KCNH8: variants seen among roughly 807,000 people sequenced by gnomAD.
The protein encoded by KCNH8 is potassium voltage-gated channel subfamily H member 8.
KCNH8 carries 70 observed loss-of-function variants against 103.6 expected under a neutral mutation model. The ratio of observed to expected loss-of-function variants is 0.68; its 90% confidence interval spans 0.56 to 0.82. KCNH8 has a LOEUF of 0.82. Among genes scored for constraint, KCNH8 ranks in the 40% least tolerant of loss-of-function variants. The pLI is 0.00. For synonymous variants in KCNH8, 498 were observed against 489.4 expected (o/e 1.02, Z -0.23); for missense variants, 1,217 against 1,329.9 (o/e 0.92, Z 1.32).
At chr3:19,448,367 T>C (rs1003086272) in intron 8 of KCNH8, among the ~76,000 whole-genome samples, 1 of 152,174 alleles carries the variant, frequency 6.6e-6, no homozygotes, top group South Asian at 2.1e-4. Context: ...ATATTGCTTC[T>C]TGTATATAGA....
intron 11 of KCNH8, among the ~76,000 whole-genome samples, chr3:19,494,588 C>G (rs2068397109): frequency 6.6e-6 from 1 of 151,788 alleles, no homozygotes; most frequent in Admixed American, 6.6e-5. Flanking sequence ...TGAACTAATA[C>G]ATTCAGTCTT....
intron 7 of KCNH8, among the ~76,000 whole-genome samples, chr3:19,402,072 T>G (rs2066621295): frequency 6.6e-6 from 1 of 151,968 alleles, no homozygotes. Flanking sequence ...GTTTGAGAAA[T>G]GTAGCACACT....
At chr3:19,433,830 G>T (rs559844646) in intron 7 of KCNH8, among the ~76,000 whole-genome samples, 1 of 152,138 alleles carries the variant, frequency 6.6e-6, no homozygotes, top group East Asian at 1.9e-4. Context: ...ACTAAATGCC[G>T]TTACGGCTTT....
chr3:19,492,933 C>A lies in KCNH8; in HGVS notation c.2041-17430C>A, dbSNP rs530587980. 3.0e-3 allele frequency among the ~76,000 whole-genome samples: 452 copies of A among 149,406 alleles called. 4 individuals carry two copies. Among genetic ancestry groups the A allele is most frequent in the African/African-American group, 0.01 (410 of 40,680 alleles). ...CTTTCGTAATTTTCCATGTAGAGATCCTCCACCTCTTTGATTAGCTGTTTT... is the reference window on the plus strand; with the variant it reads ...CTTTCGTAATTTTCCATGTAGAGATACTCCACCTCTTTGATTAGCTGTTTT... On this transcript the variant is annotated intron_variant, in intron 11 of 15. Coordinates refer to ENST00000328405, the MANE Select transcript of KCNH8 (RefSeq NM_144633.3).
chr3:19,281,325 A>G lies in KCNH8; in HGVS notation c.438A>G (p.Lys146=). ...TGAAGATTACTCCAGAAGATAAAAAAGAAGGTTTGTACCGTTTTCAGAAAA... is the reference window on the plus strand; with the variant it reads ...TGAAGATTACTCCAGAAGATAAAAAGGAAGGTTTGTACCGTTTTCAGAAAA... ...TKVKITPEDK[K]EDKVKGRSRA... is the part of the protein sequence containing the mutation. The change falls in exon 3 of 16, where the codon AAA becomes AAG. Residue 146 remains lysine, a synonymous_variant. Transcript: ENST00000328405. The G allele has an allele frequency of 1.3e-6, 2 of 1,599,844 alleles. No individual in the cohort carries two copies. Among genetic ancestry groups the G allele is most frequent in the Non-Finnish European group, 1.7e-6 (2 of 1,175,132 alleles).
chr3:19,323,172 G>A (rs755395779), intron 3 of KCNH8, among the ~76,000 whole-genome samples: 76 of 151,982 alleles, frequency 5.0e-4, no homozygotes, highest in Non-Finnish European at 9.4e-4. Context: ...CTTCTGGGCC[G>A]CACACGGTGG....
intron 2 of KCNH8, among the ~76,000 whole-genome samples, chr3:19,266,464 A>G (rs1027143179): frequency 6.6e-6 from 1 of 152,060 alleles, no homozygotes; most frequent in African/African-American, 2.4e-5. Context: ...AGCCTATTTC[A>G]TCTATGAGGC....
chr3:19,194,740 T>G (rs574683794), intron 1 of KCNH8, among the ~76,000 whole-genome samples: 1 of 151,942 alleles, frequency 6.6e-6, no homozygotes, highest in African/African-American at 2.4e-5. Context: ...TACAATATAT[T>G]CATGTAACAA....
intron 7 of KCNH8, among the ~76,000 whole-genome samples, chr3:19,396,217 CA>C (rs2066515989): frequency 6.6e-6 from 1 of 151,972 alleles, no homozygotes. Context: ...GGAAGAAGCT[CA>C]GACCTTTGCA....
chr3:19,506,834 G>A (rs76889200), intron 11 of KCNH8, among the ~76,000 whole-genome samples: 4,045 of 152,130 alleles, frequency 0.027, 205 homozygotes, highest in African/African-American at 0.092. Flanking sequence ...CAAGCTGGGG[G>A]CACCCTACCT....
chr3:19,193,500 G>A (rs1417089787), intron 1 of KCNH8, among the ~76,000 whole-genome samples: 1 of 151,630 alleles, frequency 6.6e-6, no homozygotes, highest in Non-Finnish European at 1.5e-5. Context: ...ATGATGAATA[G>A]ATAAGACACG....
chr3:19,494,169 G>A (rs930630985), intron 11 of KCNH8, among the ~76,000 whole-genome samples: 1 of 152,210 alleles, frequency 6.6e-6, no homozygotes, highest in Non-Finnish European at 1.5e-5. Context: ...AAGGGCAGGA[G>A]CTCATTCTCT....
intron 1 of KCNH8, among the ~76,000 whole-genome samples, chr3:19,185,252 A>G (rs2063491359): frequency 6.6e-6 from 1 of 151,800 alleles, no homozygotes; most frequent in South Asian, 2.1e-4. Context: ...TATCAGTAAT[A>G]TTTTCAGTTT....
chr3:19,466,000 T>A lies in KCNH8; in HGVS notation c.2040+9018T>A, dbSNP rs62276979. ...CACAGGCTGGAGTGCGGTGGCATGA[T>A]CACAGCTCATTGGAGCCTTGACCTC... On this transcript the variant is annotated intron_variant, in intron 11 of 15. Coordinates refer to ENST00000328405, the MANE Select transcript of KCNH8 (RefSeq NM_144633.3). Among the ~76,000 whole-genome samples the A allele has an allele frequency of 6.6e-3, 998 of 152,242 alleles. 10 individuals are homozygous for A. Among genetic ancestry groups the A allele is most frequent in the Admixed American group, 0.014 (212 of 15,280 alleles).
At chr3:19,517,038 C>G (rs950947978) in intron 14 of KCNH8, among the ~76,000 whole-genome samples, 1 of 151,920 alleles carries the variant, frequency 6.6e-6, no homozygotes, top group Non-Finnish European at 1.5e-5. Context: ...TCTTGAACTC[C>G]TGGGCTCAAG....
At chr3:19,399,921 T>A (rs1196841595) in intron 7 of KCNH8, among the ~76,000 whole-genome samples, 3 of 151,912 alleles carry the variant, frequency 2.0e-5, no homozygotes, top group Admixed American at 1.3e-4. Flanking sequence ...GAAAAGAACA[T>A]GAGCTAAGGT....
At chr3:19,473,404 C>A (rs1292370035) in intron 11 of KCNH8, among the ~76,000 whole-genome samples, 1 of 152,284 alleles carries the variant, frequency 6.6e-6, no homozygotes, top group Non-Finnish European at 1.5e-5. Context: ...GACTTGCCTG[C>A]TCCCCTTGTA....
intron 3 of KCNH8, among the ~76,000 whole-genome samples, chr3:19,282,756 C>T (rs1158376365): frequency 2.0e-5 from 3 of 151,970 alleles, no homozygotes; most frequent in Non-Finnish European, 4.4e-5. Context: ...TGAATAACAG[C>T]GGTGAAGTAT....
At chr3:19,212,375 C>T (rs2063779502) in intron 1 of KCNH8, among the ~76,000 whole-genome samples, 1 of 152,140 alleles carries the variant, frequency 6.6e-6, no homozygotes, top group Non-Finnish European at 1.5e-5. Flanking sequence ...ATCTTCAAGC[C>T]CCAACGTGAA....
Sources: allele counts gnomAD v4.1 joint callset (sites outside exome capture counted in the v4.1 genomes callset), GRCh38; gene constraint gnomAD v4.1.1; transcripts MANE v1.5; gene names NCBI Gene and HGNC (gene_info 2026-07-23, HGNC 2026-07-21).